The following CAMKMT variants were observed in gnomAD, a reference collection of about 807,000 sequenced individuals.
CAMKMT encodes the protein calmodulin-lysine N-methyltransferase.
In CAMKMT, 53 loss-of-function variants were observed where a neutral mutation model predicts 48.0. That is an observed-to-expected ratio of 1.10 (90% CI 0.89 to 1.39). The LOEUF (loss-of-function observed/expected upper bound fraction) is 1.39, where lower values mean the gene tolerates loss of function less well. CAMKMT is among the 40% of genes most tolerant of loss of function. The pLI, the probability that CAMKMT is intolerant of heterozygous loss-of-function variation, is 0.00. For missense variants in CAMKMT, 428 were observed against 402.7 expected, an observed-to-expected ratio of 1.06 and a Z score of -0.54; for synonymous variants, 165 against 152.3, an observed-to-expected ratio of 1.08 and a Z score of -0.61.
intron 3 of CAMKMT, among the ~76,000 whole-genome samples, chr2:44,436,415 T>C (rs1666257471): frequency 6.6e-6 from 1 of 152,036 alleles, no homozygotes; most frequent in Admixed American, 6.6e-5. Context: ...CCTCCTCAGA[T>C]AGGGCAGATA....
intron 3 of CAMKMT, among the ~76,000 whole-genome samples, chr2:44,442,008 A>G (rs1311965631): frequency 6.6e-6 from 1 of 152,168 alleles, no homozygotes; most frequent in African/African-American, 2.4e-5. Context: ...AGCACTTTAA[A>G]GAAAAGTTAT....
chr2:44,407,412 C>G (rs1432007434), intron 3 of CAMKMT, among the ~76,000 whole-genome samples: 1 of 152,112 alleles, frequency 6.6e-6, no homozygotes, highest in Admixed American at 6.5e-5. Context: ...TGTGCTTCTC[C>G]CCAGACGGCA....
intron 3 of CAMKMT, among the ~76,000 whole-genome samples, chr2:44,507,471 A>G (rs1414354991): frequency 1.3e-5 from 2 of 152,106 alleles, no homozygotes; most frequent in Admixed American, 6.5e-5. Context: ...ATGGTGGCCT[A>G]CTTCTAATTG....
rs764265525 is a variant in CAMKMT at position 44,706,357 on chromosome 2, A to C, written c.492+16A>C. On this transcript the variant is annotated intron_variant, in intron 5 of 10. Coordinates refer to ENST00000378494, the MANE Select transcript of CAMKMT (RefSeq NM_024766.5). The stretch of plus-strand genomic sequence containing the variant: ...TGGGCTCATGGTAGGTCTTTTCTCC[A>C]TTCCAATCCCATTCAGAGGGAGGAA... 3.1e-6 allele frequency: 5 copies of C among 1,612,658 alleles called. No individual in the cohort carries two copies. In the African/African-American group the frequency reaches 5.3e-5, roughly 17 times the overall value.
At chr2:44,457,483 C>T (rs1192711732) in intron 3 of CAMKMT, among the ~76,000 whole-genome samples, 1 of 151,518 alleles carries the variant, frequency 6.6e-6, no homozygotes, top group African/African-American at 2.4e-5. Flanking sequence ...ACTGCAACCT[C>T]CACCCCCCGG....
chr2:44,506,130 T>C lies in CAMKMT; in HGVS notation c.376+115825T>C, dbSNP rs1005604940. 2.6e-5 allele frequency among the ~76,000 whole-genome samples: 4 copies of C among 152,124 alleles called. 1 individual carries two copies. Among genetic ancestry groups the C allele is most frequent in the Admixed American group, 1.3e-4 (2 of 15,266 alleles). On this transcript the variant is annotated intron_variant, in intron 3 of 10. Transcript: ENST00000378494. The stretch of plus-strand genomic sequence containing the variant: ...CCGTGGCCTCCCAAAGTGCTAGCAT[T>C]ACAGGCATGAGCCACCGCATCCTGT...
At chr2:44,477,410 T>C (rs1467338277) in intron 3 of CAMKMT, among the ~76,000 whole-genome samples, 1 of 152,196 alleles carries the variant, frequency 6.6e-6, no homozygotes, top group Non-Finnish European at 1.5e-5. Context: ...CTAAGCCCTA[T>C]TATAAGTTAA....
chr2:44,433,845 C>T (rs1684791703), intron 3 of CAMKMT, among the ~76,000 whole-genome samples: 1 of 152,092 alleles, frequency 6.6e-6, no homozygotes, highest in Non-Finnish European at 1.5e-5. Flanking sequence ...CTTTTAGAAT[C>T]AAAGATCTTG....
chr2:44,440,707 A>G (rs1195567785), intron 3 of CAMKMT, among the ~76,000 whole-genome samples: 2 of 152,184 alleles, frequency 1.3e-5, no homozygotes, highest in Admixed American at 6.5e-5. Flanking sequence ...TCTATCAGAA[A>G]GATGTATTAA....
chr2:44,564,940 C>T (rs1668531959), intron 3 of CAMKMT, among the ~76,000 whole-genome samples: 1 of 152,232 alleles, frequency 6.6e-6, no homozygotes, highest in Non-Finnish European at 1.5e-5. Context: ...AACTAAGCCA[C>T]CCTGTTAGGG....
chr2:44,673,518 GAAGGAGGGA>G lies in CAMKMT; in HGVS notation c.377-30763_377-30755del, dbSNP rs1485279051. Among the ~76,000 whole-genome samples, 5 of 85,994 alleles carry G rather than the reference GAAGGAGGGA, an allele frequency of 5.8e-5. No homozygotes were observed. In the East Asian group the frequency reaches 1.5e-3, roughly 25 times the overall value. 56.4% of individuals were successfully genotyped at this position (85,994 alleles called of 152,430 possible). ...GGAAGGAAGGAAGGAAGGAAGGAAG[GAAGGAGGGA>G]AGGAAGAAATCTATACACCCAAAAA... On this transcript the variant is annotated intron_variant, in intron 3 of 10. Coordinates refer to ENST00000378494, the MANE Select transcript of CAMKMT (RefSeq NM_024766.5).
intron 3 of CAMKMT, among the ~76,000 whole-genome samples, chr2:44,615,168 C>A (rs1299152769): frequency 6.6e-6 from 1 of 151,778 alleles, no homozygotes; most frequent in Non-Finnish European, 1.5e-5. Context: ...TCAAGTGATC[C>A]CCCGACCTCA....
intron 3 of CAMKMT, among the ~76,000 whole-genome samples, chr2:44,402,075 C>T (rs1229935227): frequency 6.6e-6 from 1 of 151,956 alleles, no homozygotes; most frequent in Non-Finnish European, 1.5e-5. Flanking sequence ...GCCTATAGTC[C>T]CAGGACTTTG....
intron 2 of CAMKMT, among the ~76,000 whole-genome samples, chr2:44,376,404 A>G (rs553537842): frequency 6.7e-6 from 1 of 149,748 alleles, no homozygotes; most frequent in South Asian, 2.2e-4. Context: ...CTGGTGACGA[A>G]GTGAGACTCT....
intron 3 of CAMKMT, among the ~76,000 whole-genome samples, chr2:44,461,832 G>T (rs577099372): frequency 1.3e-5 from 2 of 152,180 alleles, no homozygotes; most frequent in Non-Finnish European, 2.9e-5. Context: ...CCTATGGATG[G>T]GGTAAGGGTA....
At chr2:44,490,219 A>G (rs1275402639) in intron 3 of CAMKMT, among the ~76,000 whole-genome samples, 1 of 152,166 alleles carries the variant, frequency 6.6e-6, no homozygotes, top group East Asian at 1.9e-4. Flanking sequence ...GTGTTTAATT[A>G]TATAATTTTC....
chr2:44,539,004 A>G (rs946207823), intron 3 of CAMKMT, among the ~76,000 whole-genome samples: 5 of 125,434 alleles, frequency 4.0e-5, no homozygotes, highest in East Asian at 2.4e-4. Flanking sequence ...GTGTGTGTGT[A>G]TGTATATAAT....
chr2:44,738,996 A>G (rs1406195252), intron 7 of CAMKMT, among the ~76,000 whole-genome samples: 1 of 152,206 alleles, frequency 6.6e-6, no homozygotes, highest in African/African-American at 2.4e-5. Context: ...TCAGGAAAGC[A>G]TAAGGAGGCC....
At chr2:44,619,727 G>C (rs1672076112) in intron 3 of CAMKMT, among the ~76,000 whole-genome samples, 1 of 152,186 alleles carries the variant, frequency 6.6e-6, no homozygotes. Context: ...CCTTTTTGAA[G>C]AGCTTGATTT....
Sources: allele counts gnomAD v4.1 joint callset (sites outside exome capture counted in the v4.1 genomes callset), GRCh38; gene constraint gnomAD v4.1.1; transcripts MANE v1.5; gene names NCBI Gene and HGNC (gene_info 2026-07-23, HGNC 2026-07-21).